The following PTPN1 variants were observed in gnomAD, a reference collection of about 807,000 sequenced individuals.
The protein encoded by PTPN1 is tyrosine-protein phosphatase non-receptor type 1.
In PTPN1, 12 loss-of-function variants were observed where a neutral mutation model predicts 59.9. The ratio of observed to expected loss-of-function variants is 0.20; its 90% confidence interval spans 0.13 to 0.32. PTPN1 has a LOEUF of 0.32. Ranked by LOEUF, PTPN1 falls within the 10% of genes least tolerant of loss-of-function variation. PTPN1 has a pLI of 1.00. For missense variants in PTPN1, 356 were observed against 549.2 expected, an observed-to-expected ratio of 0.65 and a Z score of 3.52; for synonymous variants, 178 against 203.6, an observed-to-expected ratio of 0.87 and a Z score of 1.07.
chr20:50,575,751 C>T (rs981859277), intron 5 of PTPN1, among the ~76,000 whole-genome samples: 10 of 152,048 alleles, frequency 6.6e-5, no homozygotes, highest in Non-Finnish European at 1.3e-4. Context: ...ATAGTGAGAC[C>T]CCCGTCTCTA....
chr20:50,520,109 C>A (rs754080792), intron 1 of PTPN1, among the ~76,000 whole-genome samples: 1 of 152,156 alleles, frequency 6.6e-6, no homozygotes, highest in Non-Finnish European at 1.5e-5. Flanking sequence ...TGGTGGCTCA[C>A]GCCTGTAATC....
At chr20:50,534,201 G>A (rs1239165571) in intron 1 of PTPN1, among the ~76,000 whole-genome samples, 1 of 152,174 alleles carries the variant, frequency 6.6e-6, no homozygotes, top group South Asian at 2.1e-4. Flanking sequence ...TGGGATTACA[G>A]GTGTTAGCCA....
chr20:50,564,171 G>A (rs1440178255), intron 2 of PTPN1, among the ~76,000 whole-genome samples: 2 of 152,140 alleles, frequency 1.3e-5, no homozygotes, highest in Non-Finnish European at 2.9e-5. Context: ...AGGTTAGGTT[G>A]AAGTTCGATC....
intron 1 of PTPN1, among the ~76,000 whole-genome samples, chr20:50,535,913 A>G (rs1014937176): frequency 6.6e-6 from 1 of 152,174 alleles, no homozygotes; most frequent in Non-Finnish European, 1.5e-5. Context: ...CTTGAATACT[A>G]CATTGCCAGT....
rs6020598 is a variant in PTPN1, at chr20:50,545,854, C to T, written c.64-15509C>T. Reference sequence around the variant, plus strand: ...AGCATAGCGAGACCCCCCCTCCCCCCGTCTCTACAAAAAAATAGAAACAAT... The same window carrying T: ...AGCATAGCGAGACCCCCCCTCCCCCTGTCTCTACAAAAAAATAGAAACAAT... On this transcript the variant is annotated intron_variant, in intron 1 of 9. Transcript: ENST00000371621. 4.8e-3 allele frequency among the ~76,000 whole-genome samples: 724 copies of T among 151,588 alleles called. 3 individuals carry two copies. The highest frequency in any genetic ancestry group is 0.016 in the African/African-American group (676 of 41,272).
At chr20:50,562,523 G>T (rs1325541779) in intron 2 of PTPN1, among the ~76,000 whole-genome samples, 1 of 152,222 alleles carries the variant, frequency 6.6e-6, no homozygotes, top group African/African-American at 2.4e-5. Flanking sequence ...TCTCATAGGA[G>T]TGTGTGAAGA....
chr20:50,576,231 T>C (rs1470128838), intron 5 of PTPN1, among the ~76,000 whole-genome samples: 2 of 152,218 alleles, frequency 1.3e-5, no homozygotes, highest in African/African-American at 4.8e-5. Context: ...AAGAATGCTT[T>C]TTAGCATTTG....
At position 50,524,569 on chromosome 20, in the gene PTPN1, C is replaced by CTTTTTTTTTTTTTTTT. The variant is rs764474360; in HGVS notation, c.63+13989_63+14004dup. On this transcript the variant is annotated intron_variant, in intron 1 of 9. Transcript: ENST00000371621. ...TGGCTGGTTTATCCCATTATGTGGT[C>CTTTTTTTTTTTTTTTT]TTTTTTTTTTTTTTTTTTTTTTTTT... Among the ~76,000 whole-genome samples, 33 of 45,790 alleles carry CTTTTTTTTTTTTTTTT rather than the reference C, an allele frequency of 7.2e-4. 5 individuals are homozygous for CTTTTTTTTTTTTTTTT. The highest frequency in any genetic ancestry group is 1.6e-3 in the African/African-American group (14 of 8,780). The allele number at this position is 45,790 out of a possible 152,430, so 30.0% of individuals were successfully genotyped here.
Position 50,582,902 on chromosome 20 carries a change from AC to A in PTPN1, c.*188del. ...TGTGTGTCTCACCCCTCATCCTTTT[AC>A]TTTTTGCCCCTTCCACTTTGAGTAC... On this transcript the variant is annotated 3_prime_UTR_variant, in exon 10 of 10. Coordinates refer to ENST00000371621, the MANE Select transcript of PTPN1 (RefSeq NM_002827.4). The surrounding 1 kb of genome is among the most constrained non-coding windows in gnomAD (Gnocchi z 4.2). 1 of 658,298 alleles carries A rather than the reference AC, an allele frequency of 1.5e-6. No homozygotes were observed. Among genetic ancestry groups the A allele is most frequent in the Non-Finnish European group, 2.6e-6 (1 of 382,204 alleles). The allele number at this position is 658,298 out of a possible 1,614,324, so 40.8% of individuals were successfully genotyped here. A position where few individuals can be genotyped will look rare whatever the true frequency, so the allele number is the denominator to read the frequency against.
intron 1 of PTPN1, among the ~76,000 whole-genome samples, chr20:50,516,314 C>T (rs1398294834): frequency 1.3e-5 from 2 of 151,764 alleles, no homozygotes; most frequent in African/African-American, 4.8e-5. Context: ...TCATGTTTTG[C>T]TTTTTCTAGT....
Position 50,551,493 on chromosome 20 carries a change from T to A in PTPN1, c.64-9870T>A, listed in dbSNP as rs1568786342. ...AATGATACAGTGAAATGGAAACCATTTACCTGTAAGCTTTGGGCACACCCA... is the reference window on the plus strand; with the variant it reads ...AATGATACAGTGAAATGGAAACCATATACCTGTAAGCTTTGGGCACACCCA... On this transcript the variant is annotated intron_variant, in intron 1 of 9. Transcript: ENST00000371621. Among the ~76,000 whole-genome samples the A allele has an allele frequency of 2.0e-5, 3 of 152,212 alleles. No individual in the cohort carries two copies. The South Asian group carries it at 6.2e-4, about 31-fold the overall frequency.
chr20:50,531,848 C>T (rs756522933), intron 1 of PTPN1, among the ~76,000 whole-genome samples: 5 of 152,202 alleles, frequency 3.3e-5, no homozygotes, highest in Non-Finnish European at 5.9e-5. Context: ...ATCCTCTCCC[C>T]GCTAGTGGTA....
In PTPN1 at chr20:50,578,581, C is replaced by T. The variant is rs1273863888; in HGVS notation, c.654C>T (p.Gly218=). Residue 218 remains glycine (G), a synonymous_variant, in exon 6 of 10, where the codon GGC becomes GGT. Coordinates refer to ENST00000371621, the MANE Select transcript of PTPN1 (RefSeq NM_002827.4). The stretch of plus-strand genomic sequence containing the variant: ...CCGTTGTGGTGCACTGCAGTGCAGG[C>T]ATCGGCAGGTCTGGAACCTTCTGTC... ...HGPVVVHCSA[G]IGRSGTFCLA... is the part of the protein sequence containing the mutation. 6.2e-7 allele frequency: 1 copy of T among 1,614,216 alleles called. No individual in the cohort carries two copies.
chr20:50,569,201 C>CG (rs1568793388), intron 4 of PTPN1, among the ~76,000 whole-genome samples: 2 of 152,194 alleles, frequency 1.3e-5, no homozygotes, highest in African/African-American at 2.4e-5. Flanking sequence ...AACCCTTGTG[C>CG]GGTTCCCTTT....
rs746592969 is a variant in PTPN1 at position 50,574,534 on chromosome 20, C to T, written c.372C>T (p.Tyr124=). 1.9e-6 allele frequency: 3 copies of T among 1,602,700 alleles called. No individual in the cohort carries two copies. The highest frequency in any genetic ancestry group is 1.7e-6 in the Non-Finnish European group (2 of 1,176,838). ...MEKGSLKCAQ[Y]WPQKEEKEMI... is the part of the protein sequence containing the mutation. ...TTCCCCAGTTAAAATGCGCACAATA[C>T]TGGCCACAAAAAGAAGAAAAAGAGA... Residue 124 remains tyrosine, a synonymous_variant, in exon 5 of 10, where the codon TAC becomes TAT. Transcript: ENST00000371621.
chr20:50,545,704 C>G (rs13045716), intron 1 of PTPN1, among the ~76,000 whole-genome samples: 65,157 of 151,760 alleles, frequency 0.43, 14,656 homozygotes, highest in Middle Eastern at 0.61. Context: ...GGCCTTTGAA[C>G]GATTCATTCT....
At chr20:50,561,198 A>C (rs186394325) in intron 1 of PTPN1, among the ~76,000 whole-genome samples, 165 bp from the exon 2 acceptor site, 1 of 152,112 alleles carries the variant, frequency 6.6e-6, no homozygotes, top group African/African-American at 2.4e-5. Context: ...CTCCTACCCA[A>C]GGCCTGTGCT....
intron 1 of PTPN1, among the ~76,000 whole-genome samples, chr20:50,548,580 G>A (rs1354546940): frequency 1.3e-5 from 2 of 151,816 alleles, no homozygotes; most frequent in Non-Finnish European, 1.5e-5. Context: ...TGTGAGAGCC[G>A]CCACACCCAG....
At chr20:50,523,432 C>T (rs1038125895) in intron 1 of PTPN1, among the ~76,000 whole-genome samples, 1 of 152,240 alleles carries the variant, frequency 6.6e-6, no homozygotes, top group African/African-American at 2.4e-5. Flanking sequence ...GACAGCATGG[C>T]TGCTTTATAC....
Sources: gnomAD v4.1 joint callset for allele counts (sites outside exome capture counted in the v4.1 genomes callset) on GRCh38, gnomAD v4.1.1 for gene constraint, Gnocchi (gnomAD v3.1) non-coding constraint, MANE v1.5 for transcripts, NCBI Gene and HGNC (gene_info 2026-07-23, HGNC 2026-07-21) for gene names.